The following SAMD3 variants were observed in gnomAD, a reference collection of about 807,000 sequenced individuals.
SAMD3 encodes the protein sterile alpha motif domain containing 3, also known as sterile alpha motif domain-containing protein 3.
A neutral mutation model predicts 58.5 loss-of-function variants in SAMD3; 63 were observed. The observed-to-expected ratio is 1.08, with a 90% CI of 0.88 to 1.33. The LOEUF is 1.33. SAMD3 is among the 40% of genes most tolerant of loss of function. The pLI is 0.00. For missense variants in SAMD3, 604 were observed against 608.4 expected (o/e 0.99, Z 0.08); for synonymous variants, 220 against 210.3 (o/e 1.05, Z -0.40).
chr6:130,226,547 C>T (rs914693452), upstream of SAMD3, among the ~76,000 whole-genome samples: 1 of 152,218 alleles, frequency 6.6e-6, no homozygotes, highest in Non-Finnish European at 1.5e-5. Context: ...TTATGAGGGG[C>T]CGGGCACCAT....
At chr6:130,208,382 C>T (rs933254668) in intron 5 of SAMD3, among the ~76,000 whole-genome samples, 34 of 152,158 alleles carry the variant, frequency 2.2e-4, no homozygotes, top group African/African-American at 8.0e-4. Context: ...GTTCTTAACC[C>T]TCAGGACACA....
chr6:130,151,475 C>T (rs888002297), intron 9 of SAMD3, among the ~76,000 whole-genome samples: 1 of 152,020 alleles, frequency 6.6e-6, no homozygotes, highest in Admixed American at 6.6e-5. Flanking sequence ...GAGTTTCACT[C>T]TTGTTGCCCA....
intron 2 of SAMD3, among the ~76,000 whole-genome samples, chr6:130,287,574 A>G (rs543102860): frequency 1.0e-3 from 157 of 152,290 alleles, no homozygotes; most frequent in African/African-American, 3.8e-3. Context: ...TTAAAATCCA[A>G]TGAGAGGTAG....
intron 2 of SAMD3, among the ~76,000 whole-genome samples, chr6:130,260,655 C>T (rs559909067): frequency 4.6e-5 from 7 of 152,180 alleles, no homozygotes; most frequent in Non-Finnish European, 1.0e-4. Context: ...GGCGAATGGT[C>T]GAGGCAGCTC....
At chr6:130,274,708 A>G (rs1171374304) in intron 2 of SAMD3, among the ~76,000 whole-genome samples, 1 of 150,872 alleles carries the variant, frequency 6.6e-6, no homozygotes, top group Non-Finnish European at 1.5e-5. Flanking sequence ...GCAACTTCTT[A>G]ATTGGAATCT....
intron 1 of SAMD3, among the ~76,000 whole-genome samples, chr6:130,329,128 GT>G (rs1776848116): frequency 6.6e-6 from 1 of 151,068 alleles, no homozygotes; most frequent in South Asian, 2.1e-4. Flanking sequence ...CTTGGTCATT[GT>G]TAATCCGCTT....
At position 130,180,953 on chromosome 6, in the gene SAMD3, C is replaced by CTTTTTTTTATT. The variant is rs370213784; in HGVS notation, c.654+3149_654+3150insAATAAAAAAAA. Among the ~76,000 whole-genome samples, 2 of 117,362 alleles carry CTTTTTTTTATT rather than the reference C, an allele frequency of 1.7e-5. 1 individual carries two copies. Among genetic ancestry groups the CTTTTTTTTATT allele is most frequent in the African/African-American group, 6.3e-5 (2 of 31,566 alleles). 77.0% of individuals were successfully genotyped at this position (117,362 alleles called of 152,430 possible). On this transcript the variant is annotated intron_variant, in intron 7 of 11. Transcript: ENST00000439090. Reference sequence around the variant, plus strand: ...TTTTCTTTTTTCTTTTTCTTTCTTTCTTTTTTCTTTTGAGACGGAGTTCCG... The same window carrying CTTTTTTTTATT: ...TTTTCTTTTTTCTTTTTCTTTCTTTCTTTTTTTTATTTTTTTTCTTTTGAGACGGAGTTCCG...
chr6:130,339,122 C>T (rs1015075018), intron 1 of SAMD3, among the ~76,000 whole-genome samples: 6 of 152,144 alleles, frequency 3.9e-5, no homozygotes, highest in African/African-American at 1.4e-4. Flanking sequence ...TCTCAGCTCA[C>T]TGCAAGCTCC....
intron 2 of SAMD3, among the ~76,000 whole-genome samples, chr6:130,297,584 G>A (rs1303622426): frequency 1.3e-5 from 2 of 152,084 alleles, no homozygotes. Flanking sequence ...AATATAAATT[G>A]CAAGGAAACT....
At chr6:130,148,216 C>G (rs1245137414) in intron 9 of SAMD3, among the ~76,000 whole-genome samples, 1 of 152,150 alleles carries the variant, frequency 6.6e-6, no homozygotes, top group African/African-American at 2.4e-5. Flanking sequence ...AGTTGGCTTT[C>G]TATTTTAAGA....
intron 9 of SAMD3, among the ~76,000 whole-genome samples, chr6:130,152,553 C>T (rs575764869): frequency 4.0e-5 from 6 of 151,788 alleles, no homozygotes; most frequent in South Asian, 2.1e-4. Flanking sequence ...GGCGTGCATC[C>T]GTAGTCCCAG....
At chr6:130,284,266 T>C (rs898878969) in intron 2 of SAMD3, among the ~76,000 whole-genome samples, 1 of 152,220 alleles carries the variant, frequency 6.6e-6, no homozygotes, top group Non-Finnish European at 1.5e-5. Context: ...AGATGAGTAA[T>C]TTTTATTAGA....
intron 2 of SAMD3, among the ~76,000 whole-genome samples, chr6:130,288,316 G>A (rs1452447060): frequency 2.0e-5 from 3 of 152,122 alleles, no homozygotes; most frequent in Admixed American, 2.0e-4. Context: ...GCAGTCTCAA[G>A]TTTGAAGGCA....
At chr6:130,180,244 C>T (rs1482723909) in intron 7 of SAMD3, among the ~76,000 whole-genome samples, 1 of 151,036 alleles carries the variant, frequency 6.6e-6, no homozygotes, top group Non-Finnish European at 1.5e-5. Flanking sequence ...CCTCAGCCTC[C>T]CAAGTAGCTG....
chr6:130,268,364 A>T (rs151054777), intron 2 of SAMD3, among the ~76,000 whole-genome samples: 2 of 152,204 alleles, frequency 1.3e-5, no homozygotes, highest in Admixed American at 6.5e-5. Context: ...AAGGTAAAAA[A>T]GTTATAGTAA....
At chr6:130,176,892 A>G (rs1791778584) in intron 7 of SAMD3, among the ~76,000 whole-genome samples, 1 of 152,174 alleles carries the variant, frequency 6.6e-6, no homozygotes, top group African/African-American at 2.4e-5. Context: ...TGAGGGAATG[A>G]CAGAGGATGG....
chr6:130,238,576 T>G (rs1296175332), intron 2 of SAMD3, among the ~76,000 whole-genome samples: 2 of 152,056 alleles, frequency 1.3e-5, no homozygotes, highest in African/African-American at 4.8e-5. Flanking sequence ...AAAAAAATAC[T>G]TGGTCTAGGA....
chr6:130,250,950 T>C (rs1773717868), intron 2 of SAMD3, among the ~76,000 whole-genome samples: 1 of 152,212 alleles, frequency 6.6e-6, no homozygotes, highest in South Asian at 2.1e-4. Flanking sequence ...CTCTTGTGTA[T>C]ATACTTAGCA....
chr6:130,341,710 G>A (rs1475797929), intron 1 of SAMD3, among the ~76,000 whole-genome samples: 1 of 152,166 alleles, frequency 6.6e-6, no homozygotes, highest in African/African-American at 2.4e-5. Flanking sequence ...CAGCACTTAT[G>A]AGTGGGAGGC....
Sources: allele counts gnomAD v4.1 joint callset (sites outside exome capture counted in the v4.1 genomes callset), GRCh38; gene constraint gnomAD v4.1.1; transcripts MANE v1.5; gene names NCBI Gene and HGNC (gene_info 2026-07-23, HGNC 2026-07-21).